The following ARMC9 variants were observed in gnomAD, a reference collection of about 807,000 sequenced individuals.
ARMC9 encodes the protein armadillo repeat containing 9, also known as lisH domain-containing protein ARMC9.
In ARMC9, 94 loss-of-function variants were observed where a neutral mutation model predicts 107.0. The ratio of observed to expected loss-of-function variants is 0.88; its 90% CI spans 0.74 to 1.04. ARMC9 has a LOEUF of 1.04. Ranked by LOEUF, ARMC9 falls within the 50% of genes least tolerant of loss-of-function variation. The pLI is 0.00. For missense variants in ARMC9, 942 were observed against 1,030.1 expected, an observed-to-expected ratio of 0.91 and a Z score of 1.17; for synonymous variants, 380 against 396.9, an observed-to-expected ratio of 0.96 and a Z score of 0.51.
At chr2:231,277,262 C>T (rs562250172) in intron 15 of ARMC9, among the ~76,000 whole-genome samples, 9 of 152,232 alleles carry the variant, frequency 5.9e-5, no homozygotes, top group South Asian at 4.2e-4. Flanking sequence ...TATACTTGAT[C>T]GCTGAAGGTA....
At chr2:231,341,907 C>T (rs1241372166) in intron 20 of ARMC9, among the ~76,000 whole-genome samples, 2 of 152,120 alleles carry the variant, frequency 1.3e-5, no homozygotes, top group Non-Finnish European at 2.9e-5. Context: ...AAATAATCTC[C>T]GTCTGTAACA....
Position 231,214,947 on chromosome 2 carries a change from C to A in ARMC9, c.294C>A (p.Phe98Leu). The A allele has an allele frequency of 1.2e-6, 2 of 1,614,176 alleles. No individual in the cohort carries two copies. The highest frequency in any genetic ancestry group is 1.7e-6 in the Non-Finnish European group (2 of 1,180,038). ...DGDSFAQKLEFYLHIHFAIYL... is the reference protein window; with the variant it reads ...DGDSFAQKLELYLHIHFAIYL... ...ACTCCTTTGCCCAGAAGCTGGAATT[C>A]TATCTCCACATCCATTTTGCCATCT... The change falls in exon 4 of 25, where the codon TTC (phenylalanine) becomes TTA (leucine). Residue 98 changes from phenylalanine to leucine, a missense_variant. Phe to Leu is a conservative substitution (Grantham distance 22). Transcript: ENST00000611582.
chr2:231,222,204 T>C (rs2034214229), intron 5 of ARMC9, among the ~76,000 whole-genome samples: 2 of 152,208 alleles, frequency 1.3e-5, no homozygotes, highest in African/African-American at 4.8e-5. Flanking sequence ...AAATAATTTG[T>C]TTTTAAAGGA....
rs1286118988 is a variant in ARMC9, at chr2:231,362,673, C to A, written c.2261+1790C>A. On this transcript the variant is annotated intron_variant, in intron 23 of 24. Coordinates refer to ENST00000611582, the MANE Select transcript of ARMC9 (RefSeq NM_001352754.2). The surrounding 1 kb of genome is among the most constrained non-coding windows in gnomAD (Gnocchi z 4.7). Reference sequence around the variant, plus strand: ...AAGGAGGGAGAAGTACAAGTTGTTCCATCTTCCTCTTCCTCCCTCACTGGC... The same window carrying A: ...AAGGAGGGAGAAGTACAAGTTGTTCAATCTTCCTCTTCCTCCCTCACTGGC... The A allele has an allele frequency of 6.5e-6, 1 of 152,826 alleles. No individual in the cohort carries two copies. The allele number at this position is 152,826 out of a possible 1,614,324, so 9.5% of individuals were successfully genotyped here.
In ARMC9 at chr2:231,376,508, TAGG is replaced by T. The variant is rs2125605050; in HGVS notation, c.*4981_*4983del. On this transcript the variant is annotated 3_prime_UTR_variant, in exon 25 of 25. Coordinates refer to ENST00000611582, the MANE Select transcript of ARMC9 (RefSeq NM_001352754.2). ...TCTCCCATAGCGCTCCCAGGCTTAT[TAGG>T]AGGAGGAAATTCCCGCCTAATAAAT... Among the ~76,000 whole-genome samples, 1 of 152,208 alleles carries T rather than the reference TAGG, an allele frequency of 6.6e-6. No individual in the cohort carries two copies. The highest frequency in any genetic ancestry group is 1.9e-4 in the East Asian group (1 of 5,178).
At chr2:231,259,995 C>CAAACA (rs1022877323) in intron 11 of ARMC9, among the ~76,000 whole-genome samples, 7 of 152,126 alleles carry the variant, frequency 4.6e-5, no homozygotes, top group African/African-American at 1.7e-4. Flanking sequence ...GACCCCATCT[C>CAAACA]AAACAAAACA....
rs1271104686 is a variant in ARMC9, at chr2:231,276,661, C to G, written c.1360C>G (p.Gln454Glu). Residue 454 changes from glutamine (Q) to glutamate (E), a missense_variant, in exon 15 of 25, where the codon CAA (glutamine) becomes GAA (glutamate). Coordinates refer to ENST00000611582, the MANE Select transcript of ARMC9 (RefSeq NM_001352754.2). ...GCGCCCGCTGCAGACAGCGATGATT[C>G]AAGACGGCCTCATCTTCTGGCTGGT... Reference protein sequence around the residue: ...LRRPLQTAMIQDGLIFWLVDV... With the variant: ...LRRPLQTAMIEDGLIFWLVDV... 1.2e-6 allele frequency: 2 copies of G among 1,614,216 alleles called. No homozygotes were observed. The highest frequency in any genetic ancestry group is 1.7e-6 in the Non-Finnish European group (2 of 1,180,040).
intron 9 of ARMC9, among the ~76,000 whole-genome samples, chr2:231,250,395 A>G (rs139349887): frequency 1.3e-3 from 203 of 152,302 alleles, no homozygotes; most frequent in African/African-American, 4.4e-3. Flanking sequence ...TAACAACCCA[A>G]AATGTCTCCA....
chr2:231,352,493 A>ATTTT (rs2045131927), intron 21 of ARMC9, among the ~76,000 whole-genome samples: 2 of 150,876 alleles, frequency 1.3e-5, no homozygotes, highest in African/African-American at 4.9e-5. Flanking sequence ...TTTTTTATTT[A>ATTTT]TTTATTTTTT....
intron 12 of ARMC9, among the ~76,000 whole-genome samples, chr2:231,267,692 G>C (rs1335687249): frequency 1.3e-5 from 2 of 152,158 alleles, no homozygotes; most frequent in African/African-American, 2.4e-5. Context: ...GCATGGAAGG[G>C]GGAGCTAGAA....
chr2:231,231,529 G>A (rs955242438), intron 7 of ARMC9, among the ~76,000 whole-genome samples: 19 of 151,838 alleles, frequency 1.3e-4, no homozygotes, highest in African/African-American at 2.9e-4. Flanking sequence ...GATTACAGGC[G>A]CATGCCACCA....
chr2:231,254,170 G>C (rs2037547164), intron 9 of ARMC9, among the ~76,000 whole-genome samples: 1 of 152,138 alleles, frequency 6.6e-6, no homozygotes. Flanking sequence ...AAAAAATAAA[G>C]CTATGAAAAT....
At chr2:231,237,594 A>G (rs1039183159) in intron 8 of ARMC9, among the ~76,000 whole-genome samples, 12 of 151,776 alleles carry the variant, frequency 7.9e-5, no homozygotes, top group Non-Finnish European at 1.8e-4. Flanking sequence ...AGTGTATGAG[A>G]GTGCCTATTT....
At chr2:231,267,036 A>G (rs1395741065) in intron 12 of ARMC9, among the ~76,000 whole-genome samples, 1 of 152,230 alleles carries the variant, frequency 6.6e-6, no homozygotes, top group East Asian at 1.9e-4. Flanking sequence ...GACTGTGCCC[A>G]TGTTAGATGA....
chr2:231,328,031 G>T (rs148622588), intron 19 of ARMC9, among the ~76,000 whole-genome samples: 8 of 152,190 alleles, frequency 5.3e-5, no homozygotes, highest in African/African-American at 1.4e-4. Flanking sequence ...TGATTCGCTC[G>T]CCTCGGCTTT....
intron 20 of ARMC9, among the ~76,000 whole-genome samples, chr2:231,344,686 T>C (rs1367231357): frequency 6.6e-6 from 1 of 152,234 alleles, no homozygotes; most frequent in African/African-American, 2.4e-5. Flanking sequence ...CCAGTCCTTT[T>C]CAGAGATGTG....
At chr2:231,314,158 C>A (rs1424282760) in intron 19 of ARMC9, among the ~76,000 whole-genome samples, 1 of 151,334 alleles carries the variant, frequency 6.6e-6, no homozygotes, top group African/African-American at 2.4e-5. Context: ...CAGCTCACTA[C>A]AACCTCCGCC....
chr2:231,262,877 C>G (rs2038504696), intron 12 of ARMC9, among the ~76,000 whole-genome samples: 1 of 152,184 alleles, frequency 6.6e-6, no homozygotes, highest in African/African-American at 2.4e-5. Flanking sequence ...CTCTACCACT[C>G]ATTAGCCAGG....
intron 20 of ARMC9, among the ~76,000 whole-genome samples, chr2:231,342,705 G>A (rs2044590658): frequency 6.6e-6 from 1 of 152,168 alleles, no homozygotes; most frequent in African/African-American, 2.4e-5. Context: ...GCAGACAGCA[G>A]TGTTAAGTGG....
Sources: gnomAD v4.1 joint callset for allele counts (sites outside exome capture counted in the v4.1 genomes callset) on GRCh38, gnomAD v4.1.1 for gene constraint, Gnocchi (gnomAD v3.1) non-coding constraint, MANE v1.5 for transcripts, NCBI Gene and HGNC (gene_info 2026-07-23, HGNC 2026-07-21) for gene names.